PHLDB1: variants seen among roughly 807,000 people sequenced by gnomAD.
The protein encoded by PHLDB1 is pleckstrin homology like domain family B member 1.
In PHLDB1, 65 loss-of-function variants were observed where a neutral mutation model predicts 139.3. That is an observed-to-expected ratio of 0.47 (90% confidence interval 0.38 to 0.57). The LOEUF (loss-of-function observed/expected upper bound fraction) is 0.57, where lower values mean the gene tolerates loss of function less well. Ranked by LOEUF, PHLDB1 falls within the 20% of genes least tolerant of loss-of-function variation. The pLI is 0.00. For synonymous variants in PHLDB1, 679 were observed against 734.5 expected (o/e 0.92, Z 1.22); for missense variants, 1,624 against 1,839.7 (o/e 0.88, Z 2.14).
chr11:118,629,871 C>A, intron 6 of PHLDB1: 1 of 442,118 alleles, frequency 2.3e-6, no homozygotes, highest in Non-Finnish European at 3.9e-6. Flanking sequence ...CACATAAGCA[C>A]ACATCTTACC....
intron 4 of PHLDB1, among the ~76,000 whole-genome samples, chr11:118,623,889 T>C (rs1286819001): frequency 6.7e-6 from 1 of 150,304 alleles, no homozygotes; most frequent in East Asian, 2.0e-4. Context: ...TGTGTGTGTG[T>C]GTGTGTGTGT....
At chr11:118,631,070 G>T (rs879983657) in intron 6 of PHLDB1, 137 bp from the exon 7 acceptor site, 2 of 717,240 alleles carry the variant, frequency 2.8e-6, no homozygotes, top group East Asian at 3.0e-5. Flanking sequence ...TTGGGGTCAG[G>T]CCTCTCCTGA....
chr11:118,646,493 T>C (rs1354647410), intron 17 of PHLDB1: 1 of 152,396 alleles, frequency 6.6e-6, no homozygotes, highest in East Asian at 1.9e-4. Flanking sequence ...GCCATTCCTC[T>C]TGGGGCTGAT....
intron 12 of PHLDB1, 102 bp from the exon 13 acceptor site, chr11:118,642,152 T>TCTTTCTC (rs782477748): frequency 9.0e-7 from 1 of 1,109,236 alleles, no homozygotes; most frequent in Non-Finnish European, 1.4e-6. Flanking sequence ...TCTTCTTTCT[T>TCTTTCTC]CTTTCTCCCT....
At position 118,611,636 on chromosome 11, in the gene PHLDB1, A is replaced by G. The variant is rs772862005; in HGVS notation, c.-21-2180A>G. ...TTCGGGAGGTCGAGGCGGGCGGATC[A>G]CCTGAGGTCGGGAGTTCGAGACCAG... On this transcript the variant is annotated intron_variant, in intron 1 of 22. Transcript: ENST00000600882. This position sits in a 1 kb window ranked among gnomAD's most constrained non-coding sequence, Gnocchi z 4.7. Among the ~76,000 whole-genome samples, 38 of 152,126 alleles carry G rather than the reference A, an allele frequency of 2.5e-4. No homozygotes were observed. The highest frequency in any genetic ancestry group is 3.4e-3 in the Middle Eastern group (1 of 294).
intron 18 of PHLDB1, 29 bp downstream of exon 18, chr11:118,648,105 T>A: frequency 6.2e-7 from 1 of 1,608,262 alleles, no homozygotes; most frequent in Non-Finnish European, 8.5e-7. Flanking sequence ...ACAGTGGTGG[T>A]TGGTTTGACG....
intron 10 of PHLDB1, chr11:118,638,030 C>A (rs144222690): frequency 6.6e-6 from 1 of 152,226 alleles, no homozygotes; most frequent in East Asian, 1.9e-4. Context: ...GCAAAGAAAT[C>A]GGCAATCAAG....
chr11:118,622,415 C>T (rs782671559), intron 4 of PHLDB1, among the ~76,000 whole-genome samples: 4 of 152,324 alleles, frequency 2.6e-5, no homozygotes, highest in South Asian at 2.1e-4. Context: ...CCCTCCTGCC[C>T]GCTCTATTAA....
chr11:118,616,154 G>A lies in PHLDB1; in HGVS notation c.298G>A (p.Gly100Ser), dbSNP rs782150012. Residue 100 changes from glycine (G) to serine (S), a missense_variant, in exon 4 of 23, where the codon GGC (glycine) becomes AGC (serine). Coordinates refer to ENST00000600882, the MANE Select transcript of PHLDB1 (RefSeq NM_001144758.3). ...GGGCACCCTCACCCTCTACCCCTGTGGCAATGCCTGCACTATTGATGGGCT... is the reference window on the plus strand; with the variant it reads ...GGGCACCCTCACCCTCTACCCCTGTAGCAATGCCTGCACTATTGATGGGCT... ...LRGTLTLYPCGNACTIDGLPV... is the reference protein window; with the variant it reads ...LRGTLTLYPCSNACTIDGLPV... The A allele has an allele frequency of 6.2e-7, 1 of 1,614,112 alleles. No individual in the cohort carries two copies. Among genetic ancestry groups the A allele is most frequent in the Non-Finnish European group, 8.5e-7 (1 of 1,179,994 alleles).
At position 118,650,379 on chromosome 11, in the gene PHLDB1, G is replaced by A. The variant is rs1033227834; in HGVS notation, c.3772-66G>A. On this transcript the variant is annotated intron_variant, in intron 19 of 22. Coordinates refer to ENST00000600882, the MANE Select transcript of PHLDB1 (RefSeq NM_001144758.3). The surrounding 1 kb of genome is among the most constrained non-coding windows in gnomAD (Gnocchi z 4.7). The stretch of plus-strand genomic sequence containing the variant: ...ATCCCCCATGAATACAGGCACAGGC[G>A]ATGGCACACACTTAAGGCTTAAGGG... 8 of 1,141,386 alleles carry A rather than the reference G, an allele frequency of 7.0e-6. No individual in the cohort carries two copies. The highest frequency in any genetic ancestry group is 5.0e-5 in the Admixed American group (3 of 59,412). 70.7% of individuals were successfully genotyped at this position (1,141,386 alleles called of 1,614,324 possible). A position where few individuals can be genotyped will look rare whatever the true frequency, so the allele number is the denominator to read the frequency against.
intron 20 of PHLDB1, chr11:118,651,948 G>A (rs1295690175): frequency 6.6e-6 from 1 of 152,260 alleles, no homozygotes; most frequent in Admixed American, 6.5e-5. Context: ...CACAGTGGCA[G>A]AGGGAAAGAG....
chr11:118,624,970 G>T lies in PHLDB1; in HGVS notation c.392G>T (p.Arg131Leu), dbSNP rs781967928. The T allele has an allele frequency of 1.2e-6, 2 of 1,613,876 alleles. No homozygotes were observed. Among genetic ancestry groups the T allele is most frequent in the African/African-American group, 2.7e-5 (2 of 74,882 alleles). ...MLCLGQSTFLRFNHPAEAKWM... is the reference protein window; with the variant it reads ...MLCLGQSTFLLFNHPAEAKWM... ...TGCCTGGGTCAGTCCACCTTCCTTC[G>T]CTTTAACCACCCGGCTGAAGCCAAG... The change falls in exon 5 of 23, where the codon CGC becomes CTC. Residue 131 changes from arginine (R) to leucine (L), a missense_variant. Arg to Leu is a moderately radical substitution (Grantham distance 102). Coordinates refer to ENST00000600882, the MANE Select transcript of PHLDB1 (RefSeq NM_001144758.3).
At chr11:118,617,086 G>C (rs529712329) in intron 4 of PHLDB1, among the ~76,000 whole-genome samples, 52 of 152,144 alleles carry the variant, frequency 3.4e-4, no homozygotes, top group Non-Finnish European at 6.2e-4. Flanking sequence ...TAAAAACTAG[G>C]CCCATAATTA....
intron 13 of PHLDB1, among the ~76,000 whole-genome samples, chr11:118,642,595 A>G (rs1946764524): frequency 6.6e-6 from 1 of 152,244 alleles, no homozygotes; most frequent in Admixed American, 6.5e-5. Flanking sequence ...GCCAGCCTCC[A>G]TAGTCTAAAA....
At chr11:118,622,526 A>G (rs2135988315) in intron 4 of PHLDB1, among the ~76,000 whole-genome samples, 1 of 152,308 alleles carries the variant, frequency 6.6e-6, no homozygotes, top group Admixed American at 6.5e-5. Flanking sequence ...AGGAGGGGGC[A>G]GAAAACACAC....
In PHLDB1 at chr11:118,631,515, A is replaced by G. The variant is rs1944803679; in HGVS notation, c.2100+36A>G. 3.5e-6 allele frequency: 5 copies of G among 1,411,588 alleles called. No individual in the cohort carries two copies. The African/African-American group carries it at 4.4e-5, about 12-fold the overall frequency. 87.4% of individuals were successfully genotyped at this position (1,411,588 alleles called of 1,614,324 possible). ...GGGGTAGGCAAGACAAAGAGGCTGA[A>G]GTTGGACCTGCTGGGGGCAGAGGAG... On this transcript the variant is annotated intron_variant, in intron 7 of 22. Coordinates refer to ENST00000600882, the MANE Select transcript of PHLDB1 (RefSeq NM_001144758.3).
rs534263274 is a variant in PHLDB1 at position 118,608,807 on chromosome 11, C to G, written c.-22+1108C>G. Among the ~76,000 whole-genome samples, 1 of 152,116 alleles carries G rather than the reference C, an allele frequency of 6.6e-6. No homozygotes were observed. The highest frequency in any genetic ancestry group is 6.5e-5 in the Admixed American group (1 of 15,280). On this transcript the variant is annotated intron_variant, in intron 1 of 22. Coordinates refer to ENST00000600882, the MANE Select transcript of PHLDB1 (RefSeq NM_001144758.3). This position sits in a 1 kb window ranked among gnomAD's most constrained non-coding sequence, Gnocchi z 6.7. Reference sequence around the variant, plus strand: ...GCCTTCCCACGCACTCCATGCCTTACGCCTCACAGGAAAGCGCCCCGCGCT... The same window carrying G: ...GCCTTCCCACGCACTCCATGCCTTAGGCCTCACAGGAAAGCGCCCCGCGCT...
chr11:118,620,326 C>G lies in PHLDB1; in HGVS notation c.355+4115C>G, dbSNP rs1942521768. ...TGACCAACATGGAGAAACCCCATCT[C>G]TACTAAAAATACAAAATTTGCTGGG... is the stretch of plus-strand genomic sequence containing the variant. On this transcript the variant is annotated intron_variant, in intron 4 of 22. Coordinates refer to ENST00000600882, the MANE Select transcript of PHLDB1 (RefSeq NM_001144758.3). This position sits in a 1 kb window ranked among gnomAD's most constrained non-coding sequence, Gnocchi z 4.1. Among the ~76,000 whole-genome samples, 1 of 152,230 alleles carries G rather than the reference C, an allele frequency of 6.6e-6. No individual in the cohort carries two copies. Among genetic ancestry groups the G allele is most frequent in the Non-Finnish European group, 1.5e-5 (1 of 68,042 alleles).
intron 6 of PHLDB1, 96 bp from the exon 7 acceptor site, chr11:118,631,111 C>T (rs2508572): frequency 1.8e-6 from 2 of 1,140,180 alleles, no homozygotes; most frequent in African/African-American, 3.2e-5. Context: ...CCCCTGTAAC[C>T]CTGCTCTCCC....
Sources: allele counts gnomAD v4.1 joint callset (sites outside exome capture counted in the v4.1 genomes callset), GRCh38; gene constraint gnomAD v4.1.1; non-coding constraint Gnocchi (gnomAD v3.1); transcripts MANE v1.5; gene names NCBI Gene and HGNC (gene_info 2026-07-23, HGNC 2026-07-21).